The following DSCAML1 variants were observed in gnomAD, a reference collection of about 807,000 sequenced individuals.
DSCAML1 encodes the protein DS cell adhesion molecule like 1, also known as cell adhesion molecule DSCAML1.
Under a neutral mutation model 200.5 loss-of-function variants are expected in DSCAML1, and 38 were observed. The ratio of observed to expected loss-of-function variants is 0.19; its 90% CI spans 0.15 to 0.25. The LOEUF (loss-of-function observed/expected upper bound fraction) is 0.25, where lower values mean the gene tolerates loss of function less well. DSCAML1 is among the 10% of genes least tolerant of loss of function. The probability of loss-of-function intolerance (pLI) is 1.00; values close to 1 mark genes in which losing one functional copy is unlikely to be tolerated. For synonymous variants in DSCAML1, 1,215 were observed against 1,165.0 expected (o/e 1.04, Z -0.87); for missense variants, 2,223 against 2,858.8 (o/e 0.78, Z 5.07).
intron 1 of DSCAML1, among the ~76,000 whole-genome samples, chr11:117,784,824 A>C (rs759840315): frequency 1.3e-5 from 2 of 152,134 alleles, no homozygotes; most frequent in Non-Finnish European, 2.9e-5. Flanking sequence ...TGCCTCCCAG[A>C]GCTGCCAAGA....
At chr11:117,545,809 C>A (rs1482030759) in intron 3 of DSCAML1, among the ~76,000 whole-genome samples, 2 of 152,220 alleles carry the variant, frequency 1.3e-5, no homozygotes, top group African/African-American at 4.8e-5. Flanking sequence ...CATCTGCACC[C>A]TCAATCAAAG....
intron 3 of DSCAML1, among the ~76,000 whole-genome samples, chr11:117,716,875 TG>T (rs2053960577): frequency 6.6e-6 from 1 of 152,058 alleles, no homozygotes; most frequent in Non-Finnish European, 1.5e-5. Flanking sequence ...AGAGCTGAGG[TG>T]GTTGCCACAG....
intron 3 of DSCAML1, among the ~76,000 whole-genome samples, chr11:117,694,634 T>C (rs570088414): frequency 6.6e-6 from 1 of 152,250 alleles, no homozygotes; most frequent in Non-Finnish European, 1.5e-5. Context: ...CTCTGGACCA[T>C]CTAGCCAAGG....
At chr11:117,695,309 C>CTTTTTT (rs1220241169) in intron 3 of DSCAML1, among the ~76,000 whole-genome samples, 1 of 122,644 alleles carries the variant, frequency 8.2e-6, no homozygotes, top group African/African-American at 3.2e-5. Context: ...TTCTTTCTTT[C>CTTTTTT]TTTTTCTTTT....
In DSCAML1 at chr11:117,764,058, T is replaced by C. The variant is rs1049744244; in HGVS notation, c.511+12733A>G. On this transcript the variant is annotated intron_variant, in intron 3 of 32. Transcript: ENST00000651296. ...TTTCCTTGTGTTGGGGTCACCTGTG[T>C]CCCATACTCATCTTGCCTATTAGAC... 3.3e-5 allele frequency among the ~76,000 whole-genome samples: 5 copies of C among 152,304 alleles called. No individual in the cohort carries two copies. In the South Asian group the frequency reaches 1.0e-3, roughly 32 times the overall value.
intron 3 of DSCAML1, among the ~76,000 whole-genome samples, chr11:117,758,075 G>C (rs934278822): frequency 6.6e-6 from 1 of 152,006 alleles, no homozygotes; most frequent in Non-Finnish European, 1.5e-5. Context: ...GGCTGAGGCA[G>C]GTGGATCACA....
chr11:117,673,103 A>G (rs577660859), intron 3 of DSCAML1, among the ~76,000 whole-genome samples: 241 of 152,226 alleles, frequency 1.6e-3, no homozygotes, highest in African/African-American at 5.4e-3. Flanking sequence ...ACAAGCTGTA[A>G]ACCCAGAGTA....
intron 19 of DSCAML1, among the ~76,000 whole-genome samples, chr11:117,451,241 T>C (rs1446123028): frequency 6.6e-6 from 1 of 152,164 alleles, no homozygotes; most frequent in Non-Finnish European, 1.5e-5. Context: ...ATTCCAACTC[T>C]TATGGACTCT....
chr11:117,452,647 C>G (rs1284674109), intron 19 of DSCAML1, among the ~76,000 whole-genome samples: 2 of 152,144 alleles, frequency 1.3e-5, no homozygotes, highest in Non-Finnish European at 2.9e-5. Flanking sequence ...TTATTAAATA[C>G]TTTCTATTTG....
chr11:117,533,700 C>G (rs985547903), intron 3 of DSCAML1, among the ~76,000 whole-genome samples: 18 of 152,174 alleles, frequency 1.2e-4, no homozygotes, highest in South Asian at 6.2e-4. Flanking sequence ...CAAGACCCCC[C>G]ACTCCATCCC....
rs1401205681 is a variant in DSCAML1 at position 117,458,925 on chromosome 11, A to G, written c.3413-16T>C. ...TCGCCCCACTCTGCCAGAGACCAGC[A>G]AACTCTGAGGACCCAGCTCCATCGG... is the stretch of plus-strand genomic sequence containing the variant. On this transcript the variant is annotated splice_polypyrimidine_tract_variant and intron_variant, in intron 18 of 32. Coordinates refer to ENST00000651296, the MANE Select transcript of DSCAML1 (RefSeq NM_020693.4). 1 of 1,611,232 alleles carries G rather than the reference A, an allele frequency of 6.2e-7. No individual in the cohort carries two copies. The highest frequency in any genetic ancestry group is 1.7e-5 in the Admixed American group (1 of 59,854).
At chr11:117,532,353 T>C in intron 4 of DSCAML1, 23 bp downstream of exon 4, 1 of 1,606,884 alleles carries the variant, frequency 6.2e-7, no homozygotes, top group African/African-American at 1.3e-5. Context: ...CCTGCCCCGT[T>C]CTCCCCAGGC....
chr11:117,612,278 G>T (rs562613335), intron 3 of DSCAML1, among the ~76,000 whole-genome samples: 1 of 152,310 alleles, frequency 6.6e-6, no homozygotes, highest in East Asian at 1.9e-4. Flanking sequence ...CCTCCCTGTA[G>T]CCTGCCAACC....
chr11:117,478,512 A>G (rs2048843080), intron 14 of DSCAML1, among the ~76,000 whole-genome samples: 1 of 152,032 alleles, frequency 6.6e-6, no homozygotes, highest in Non-Finnish European at 1.5e-5. Context: ...TCTCCTGGAT[A>G]CCAATTTCTT....
intron 16 of DSCAML1, among the ~76,000 whole-genome samples, chr11:117,467,193 A>ACACCCCCCCCCCCCCCC (rs1555172719): frequency 9.1e-6 from 1 of 109,516 alleles, no homozygotes; most frequent in Non-Finnish European, 1.7e-5. Flanking sequence ...GTGCACACAC[A>ACACCCCCCCCCCCCCCC]CCTCCCCCCT....
intron 11 of DSCAML1, among the ~76,000 whole-genome samples, chr11:117,485,984 G>T (rs1405225235): frequency 6.6e-6 from 1 of 152,180 alleles, no homozygotes; most frequent in East Asian, 1.9e-4. Context: ...AACCCCACTG[G>T]GCTGGTATAA....
chr11:117,643,336 T>A (rs529059503), intron 3 of DSCAML1, among the ~76,000 whole-genome samples: 1 of 152,298 alleles, frequency 6.6e-6, no homozygotes, highest in African/African-American at 2.4e-5. Context: ...TCTGATTGTG[T>A]GTTTGTGTGT....
intron 3 of DSCAML1, among the ~76,000 whole-genome samples, chr11:117,614,919 C>T (rs533845845): frequency 6.6e-6 from 1 of 152,330 alleles, no homozygotes. Flanking sequence ...TGACCTGAGG[C>T]TGAGTTAGGC....
chr11:117,786,890 C>T (rs1396301950), intron 1 of DSCAML1, among the ~76,000 whole-genome samples: 3 of 152,178 alleles, frequency 2.0e-5, no homozygotes, highest in Non-Finnish European at 2.9e-5. Context: ...CTCACCCAGG[C>T]ATGGCAACCA....
Sources: gnomAD v4.1 joint callset for allele counts (sites outside exome capture counted in the v4.1 genomes callset) on GRCh38, gnomAD v4.1.1 for gene constraint, MANE v1.5 for transcripts, NCBI Gene and HGNC (gene_info 2026-07-23, HGNC 2026-07-21) for gene names.